The following UTRN variants were observed in gnomAD, a reference collection of about 807,000 sequenced individuals.
UTRN encodes utrophin, also known as dystrophin-related protein 1.
Under a neutral mutation model 463.9 loss-of-function variants are expected in UTRN, and 283 were observed. The ratio of observed to expected loss-of-function variants is 0.61; its 90% CI spans 0.55 to 0.67. The LOEUF (loss-of-function observed/expected upper bound fraction) is 0.67. Ranked by LOEUF, UTRN falls within the 30% of genes least tolerant of loss-of-function variation. The probability of loss-of-function intolerance (pLI) is 0.00; values close to 1 mark genes in which losing one functional copy is unlikely to be tolerated. For missense variants in UTRN, 3,922 were observed against 4,084.3 expected, an observed-to-expected ratio of 0.96 and a Z score of 1.08; for synonymous variants, 1,442 against 1,431.5, an observed-to-expected ratio of 1.01 and a Z score of -0.17.
chr6:144,851,258 A>C lies in UTRN; in HGVS notation c.*261A>C, dbSNP rs1249126619. ...AATTAATGAACAGAGAGGTATTTGG[A>C]AATGGTAATACATTTGTCACGGATT... On this transcript the variant is annotated 3_prime_UTR_variant, in exon 75 of 75. Transcript: ENST00000367545. 2 of 528,812 alleles carry C rather than the reference A, an allele frequency of 3.8e-6. No individual in the cohort carries two copies. The highest frequency in any genetic ancestry group is 6.3e-5 in the East Asian group (2 of 31,678). The allele number at this position is 528,812 out of a possible 1,614,324, so 32.8% of individuals were successfully genotyped here. A position where few individuals can be genotyped will look rare whatever the true frequency, so the allele number is the denominator to read the frequency against.
intron 49 of UTRN, 60 bp downstream of exon 49, chr6:144,554,953 T>C (rs147562357): frequency 6.4e-7 from 1 of 1,557,750 alleles, no homozygotes; most frequent in Non-Finnish European, 8.8e-7. Context: ...TTTTTTCTAT[T>C]GTTCACTGTA....
chr6:144,381,617 A>G (rs1368242239), intron 2 of UTRN, among the ~76,000 whole-genome samples: 6 of 152,174 alleles, frequency 3.9e-5, no homozygotes, highest in Non-Finnish European at 8.8e-5. Flanking sequence ...AGTCTTTCCC[A>G]TGCTGTTCTT....
chr6:144,580,892 G>A (rs1304744451), intron 51 of UTRN, among the ~76,000 whole-genome samples: 2 of 152,164 alleles, frequency 1.3e-5, no homozygotes, highest in Non-Finnish European at 2.9e-5. Context: ...TAGCCATCCA[G>A]GCTACAGGTA....
In UTRN at chr6:144,438,740, G is replaced by A; in HGVS notation, c.1242-5G>A. 1 of 1,614,106 alleles carries A rather than the reference G, an allele frequency of 6.2e-7. No individual in the cohort carries two copies. The highest frequency in any genetic ancestry group is 8.5e-7 in the Non-Finnish European group (1 of 1,180,012). ...TAGGAATAATGCTGTGTTCCCCACG[G>A]ACAGGCTGCACGATGTGCTGATGGA... On this transcript the variant is annotated splice_region_variant and splice_polypyrimidine_tract_variant and intron_variant, in intron 11 of 74. Transcript: ENST00000367545.
chr6:144,595,909 A>G (rs567157619), intron 51 of UTRN, among the ~76,000 whole-genome samples: 2 of 152,260 alleles, frequency 1.3e-5, no homozygotes, highest in South Asian at 4.2e-4. Context: ...AATTCTTGAA[A>G]CAAAACCTAG....
At chr6:144,452,409 G>A (rs977234919) in intron 18 of UTRN, among the ~76,000 whole-genome samples, 6 of 152,066 alleles carry the variant, frequency 3.9e-5, no homozygotes, top group Non-Finnish European at 7.4e-5. Flanking sequence ...TTGTGATTGT[G>A]TTATGATGGA....
chr6:144,786,938 A>T (rs1441286870), intron 61 of UTRN, among the ~76,000 whole-genome samples: 1 of 152,164 alleles, frequency 6.6e-6, no homozygotes, highest in South Asian at 2.1e-4. Context: ...CAGTACACAG[A>T]GCAATGTCAG....
intron 58 of UTRN, among the ~76,000 whole-genome samples, chr6:144,769,350 G>A (rs1357917455): frequency 2.0e-5 from 3 of 152,030 alleles, no homozygotes; most frequent in African/African-American, 7.2e-5. Context: ...GTAAGCAGCA[G>A]TTATACTTTT....
At chr6:144,508,559 C>G (rs1191612059) in intron 34 of UTRN, among the ~76,000 whole-genome samples, 4 of 152,288 alleles carry the variant, frequency 2.6e-5, no homozygotes, top group South Asian at 2.1e-4. Flanking sequence ...TGGGCTGCAC[C>G]CACTGTCTAA....
chr6:144,636,449 T>C (rs926487845), intron 51 of UTRN, among the ~76,000 whole-genome samples: 5 of 152,036 alleles, frequency 3.3e-5, no homozygotes, highest in African/African-American at 1.2e-4. Context: ...ATGTAGATGA[T>C]GGGTTGATAG....
At chr6:144,493,672 A>T (rs977789633) in intron 33 of UTRN, among the ~76,000 whole-genome samples, 1 of 152,208 alleles carries the variant, frequency 6.6e-6, no homozygotes, top group Non-Finnish European at 1.5e-5. Flanking sequence ...TCATAGTTAC[A>T]TAGAAATTTA....
At chr6:144,436,586 T>C (rs1266890609) in intron 10 of UTRN, among the ~76,000 whole-genome samples, 1 of 151,958 alleles carries the variant, frequency 6.6e-6, no homozygotes, top group African/African-American at 2.4e-5. Flanking sequence ...GAGGACATAC[T>C]ATATTGCAGC....
intron 56 of UTRN, among the ~76,000 whole-genome samples, chr6:144,752,781 T>C (rs1791548381): frequency 6.6e-6 from 1 of 152,200 alleles, no homozygotes; most frequent in Admixed American, 6.5e-5. Context: ...CTTCATGTGA[T>C]GATTCTTATG....
intron 63 of UTRN, chr6:144,797,604 T>G (rs1258858809): frequency 2.3e-6 from 1 of 429,632 alleles, no homozygotes; most frequent in Non-Finnish European, 4.0e-6. Flanking sequence ...CTTGGTATTT[T>G]TTTGCTTCTT....
chr6:144,692,434 G>A (rs1036947386), intron 52 of UTRN, among the ~76,000 whole-genome samples: 28 of 152,138 alleles, frequency 1.8e-4, no homozygotes, highest in Non-Finnish European at 3.8e-4. Flanking sequence ...GGGTCAAATG[G>A]TATTTATGTT....
At chr6:144,842,067 GC>G (rs1173681814) in intron 73 of UTRN, among the ~76,000 whole-genome samples, 1 of 128,260 alleles carries the variant, frequency 7.8e-6, no homozygotes, top group Admixed American at 1.1e-4. Flanking sequence ...CCGAGATCGT[GC>G]CACCGCACTC....
At chr6:144,471,990 T>G (rs1045382357) in intron 23 of UTRN, among the ~76,000 whole-genome samples, 1 of 152,184 alleles carries the variant, frequency 6.6e-6, no homozygotes, top group African/African-American at 2.4e-5. Flanking sequence ...GCAAAACCAC[T>G]CAGAGCTCCT....
chr6:144,846,922 A>C, intron 74 of UTRN, 95 bp downstream of exon 74: 11 of 1,500,306 alleles, frequency 7.3e-6, no homozygotes, highest in South Asian at 2.3e-5. Flanking sequence ...TTTATTCTCC[A>C]TGTAAATAAG....
rs1277622727 is a variant in UTRN, at chr6:144,533,268, A to C, written c.6233+8A>C. 2 of 1,613,738 alleles carry C rather than the reference A, an allele frequency of 1.2e-6. No individual in the cohort carries two copies. Among genetic ancestry groups the C allele is most frequent in the Non-Finnish European group, 1.7e-6 (2 of 1,179,768 alleles). On this transcript the variant is annotated splice_region_variant and intron_variant, in intron 43 of 74. Coordinates refer to ENST00000367545, the MANE Select transcript of UTRN (RefSeq NM_007124.3). ...GAAGGATAGGCAGCCAAGGTGATTTAGCTATGATTGTTTGCAGGCACAGGA... is the reference window on the plus strand; with the variant it reads ...GAAGGATAGGCAGCCAAGGTGATTTCGCTATGATTGTTTGCAGGCACAGGA...
Sources: gnomAD v4.1 joint callset for allele counts (sites outside exome capture counted in the v4.1 genomes callset) on GRCh38, gnomAD v4.1.1 for gene constraint, MANE v1.5 for transcripts, NCBI Gene and HGNC (gene_info 2026-07-23, HGNC 2026-07-21) for gene names.